LRRTM4: variants seen among roughly 807,000 people sequenced by gnomAD.
The protein encoded by LRRTM4 is leucine-rich repeat transmembrane neuronal protein 4.
In LRRTM4, 25 loss-of-function variants were observed where a neutral mutation model predicts 47.6. That is an observed-to-expected ratio of 0.53 (90% CI 0.38 to 0.73). The LOEUF is 0.73. Ranked by LOEUF, LRRTM4 falls within the 30% of genes least tolerant of loss-of-function variation. The probability of loss-of-function intolerance (pLI) is 0.00; values close to 1 mark genes in which losing one functional copy is unlikely to be tolerated. For synonymous variants in LRRTM4, 311 were observed against 269.5 expected (o/e 1.15, Z -1.51); for missense variants, 638 against 713.4 (o/e 0.89, Z 1.20).
intron 3 of LRRTM4, among the ~76,000 whole-genome samples, chr2:76,912,955 C>A (rs372889563): frequency 6.6e-6 from 1 of 152,186 alleles, no homozygotes; most frequent in Non-Finnish European, 1.5e-5. Flanking sequence ...CAATTAACCA[C>A]TTTCATTCAT....
chr2:77,481,013 C>G (rs1242628503), intron 3 of LRRTM4, among the ~76,000 whole-genome samples: 1 of 152,140 alleles, frequency 6.6e-6, no homozygotes, highest in African/African-American at 2.4e-5. Context: ...CAGATATGAT[C>G]TATACAGAAA....
intron 3 of LRRTM4, among the ~76,000 whole-genome samples, chr2:77,328,588 C>G (rs1670863945): frequency 6.6e-6 from 1 of 152,132 alleles, no homozygotes; most frequent in Admixed American, 6.6e-5. Context: ...AGGATTAGAG[C>G]TTTGCCATGA....
chr2:76,934,849 G>A (rs191389067), intron 3 of LRRTM4, among the ~76,000 whole-genome samples: 2 of 152,076 alleles, frequency 1.3e-5, no homozygotes, highest in Admixed American at 1.3e-4. Flanking sequence ...GAAAAACATA[G>A]AAGGTATTCA....
intron 3 of LRRTM4, among the ~76,000 whole-genome samples, chr2:77,251,128 CATATAT>C (rs1185053194): frequency 6.9e-6 from 1 of 144,812 alleles, no homozygotes; most frequent in East Asian, 2.0e-4. Context: ...TATATACACA[CATATAT>C]ATGTATATAT....
chr2:76,866,141 C>T (rs1672459045), intron 3 of LRRTM4, among the ~76,000 whole-genome samples: 2 of 152,068 alleles, frequency 1.3e-5, no homozygotes, highest in Non-Finnish European at 2.9e-5. Flanking sequence ...TGATTCTCTT[C>T]CCACAGAAAA....
At chr2:77,463,342 C>T (rs1204679350) in intron 3 of LRRTM4, among the ~76,000 whole-genome samples, 1 of 152,062 alleles carries the variant, frequency 6.6e-6, no homozygotes, top group East Asian at 1.9e-4. Flanking sequence ...TTGTAAATAA[C>T]AAAACCCTTT....
chr2:77,175,788 G>A (rs1385091918), intron 3 of LRRTM4, among the ~76,000 whole-genome samples: 2 of 150,026 alleles, frequency 1.3e-5, no homozygotes, highest in Non-Finnish European at 2.9e-5. Flanking sequence ...CCCCACACCC[G>A]ATGTTGGTTC....
chr2:77,109,135 C>T (rs1671180046), intron 3 of LRRTM4, among the ~76,000 whole-genome samples: 1 of 152,064 alleles, frequency 6.6e-6, no homozygotes, highest in Non-Finnish European at 1.5e-5. Context: ...CTTTATTTGC[C>T]ATGTTGGGTT....
chr2:77,502,563 T>C (rs1678613244), intron 3 of LRRTM4, among the ~76,000 whole-genome samples: 1 of 151,686 alleles, frequency 6.6e-6, no homozygotes. Flanking sequence ...TTTGGGAACG[T>C]AATTATTTAT....
At chr2:76,772,340 A>G (rs1021143944) in intron 3 of LRRTM4, among the ~76,000 whole-genome samples, 3 of 152,210 alleles carry the variant, frequency 2.0e-5, no homozygotes, top group African/African-American at 7.2e-5. Context: ...AAAGCCACCC[A>G]GTCTAGGGTA....
At chr2:77,386,743 C>T (rs945926485) in intron 3 of LRRTM4, among the ~76,000 whole-genome samples, 2 of 151,936 alleles carry the variant, frequency 1.3e-5, no homozygotes, top group African/African-American at 2.4e-5. Context: ...ACAGTGAGAA[C>T]ACATGGACAC....
chr2:77,490,624 T>TA (rs70956637), intron 3 of LRRTM4, among the ~76,000 whole-genome samples: 3,278 of 150,646 alleles, frequency 0.022, 120 homozygotes, highest in African/African-American at 0.073. Context: ...TCAAAAATAA[T>TA]AAAAAAAAAC....
intron 3 of LRRTM4, among the ~76,000 whole-genome samples, chr2:76,793,276 G>A (rs1440687260): frequency 6.6e-6 from 1 of 152,112 alleles, no homozygotes; most frequent in Admixed American, 6.6e-5. Context: ...AGAGTGTTTA[G>A]ATACCAAGGG....
At chr2:77,196,244 T>C (rs149747391) in intron 3 of LRRTM4, among the ~76,000 whole-genome samples, 365 of 152,292 alleles carry the variant, frequency 2.4e-3, no homozygotes, top group African/African-American at 8.2e-3. Flanking sequence ...TGTTGCAAGA[T>C]ATAGGTTAGT....
intron 3 of LRRTM4, among the ~76,000 whole-genome samples, chr2:77,127,452 T>C (rs1671677728): frequency 6.6e-6 from 1 of 152,208 alleles, no homozygotes; most frequent in Non-Finnish European, 1.5e-5. Flanking sequence ...TCAATGATCC[T>C]TGGCTTTTGA....
At chr2:77,282,370 C>A (rs987075509) in intron 3 of LRRTM4, among the ~76,000 whole-genome samples, 4 of 151,834 alleles carry the variant, frequency 2.6e-5, no homozygotes, top group Non-Finnish European at 4.4e-5. Context: ...GGCATAGAAT[C>A]ATATTATCTA....
chr2:76,838,101 T>C (rs1282783072), intron 3 of LRRTM4, among the ~76,000 whole-genome samples: 3 of 134,896 alleles, frequency 2.2e-5, no homozygotes, highest in Admixed American at 8.3e-5. Flanking sequence ...ATAATAATAA[T>C]AAAAGAATGG....
chr2:77,284,885 GA>G (rs1190923684), intron 3 of LRRTM4, among the ~76,000 whole-genome samples: 1 of 151,908 alleles, frequency 6.6e-6, no homozygotes, highest in Non-Finnish European at 1.5e-5. Context: ...CTCAGAAGCT[GA>G]AAAAAACTTA....
chr2:76,753,702 G>GA (rs1280133174), intron 3 of LRRTM4, among the ~76,000 whole-genome samples: 1 of 152,042 alleles, frequency 6.6e-6, no homozygotes, highest in Non-Finnish European at 1.5e-5. Context: ...TTCACAATCT[G>GA]AAAATTGATT....
Sources: allele counts gnomAD v4.1 joint callset (sites outside exome capture counted in the v4.1 genomes callset), GRCh38; gene constraint gnomAD v4.1.1; transcripts MANE v1.5; gene names NCBI Gene and HGNC (gene_info 2026-07-23, HGNC 2026-07-21).